Variants in ITFG1 observed in about 807,000 individuals in gnomAD.
The protein encoded by ITFG1 is integrin alpha FG-GAP repeat containing 1, also known as T-cell immunomodulatory protein.
Under a neutral mutation model 81.8 loss-of-function variants are expected in ITFG1, and 34 were observed. That is an observed-to-expected ratio of 0.42 (90% CI 0.32 to 0.55). The LOEUF (loss-of-function observed/expected upper bound fraction) is 0.55, where lower values mean the gene tolerates loss of function less well. Ranked by LOEUF, ITFG1 falls within the 20% of genes least tolerant of loss-of-function variation. The pLI is 0.17. For missense variants in ITFG1, 672 were observed against 755.4 expected (o/e 0.89, Z 1.29); for synonymous variants, 285 against 270.6 (o/e 1.05, Z -0.52).
chr16:47,433,486 G>A (rs980761196), intron 5 of ITFG1, among the ~76,000 whole-genome samples: 27 of 151,982 alleles, frequency 1.8e-4, no homozygotes, highest in Non-Finnish European at 3.2e-4. Flanking sequence ...CCTTCCTGGC[G>A]CCTAACAAAT....
At position 47,430,921 on chromosome 16, in the gene ITFG1, C is replaced by T. The variant is rs565518653; in HGVS notation, c.561-2023G>A. On this transcript the variant is annotated intron_variant, in intron 5 of 17. Coordinates refer to ENST00000320640, the MANE Select transcript of ITFG1 (RefSeq NM_030790.5). ...CAATAGCCCACAAGTGGAAATAACA[C>T]GAATTCCCATCAGTGGATAAATGGA... Among the ~76,000 whole-genome samples the T allele has an allele frequency of 4.6e-5, 7 of 152,262 alleles. No homozygotes were observed. In the South Asian group the frequency reaches 1.0e-3, roughly 23 times the overall value.
chr16:47,343,455 C>A (rs1479808042), intron 8 of ITFG1, among the ~76,000 whole-genome samples: 1 of 151,968 alleles, frequency 6.6e-6, no homozygotes, highest in East Asian at 1.9e-4. Context: ...TTTAAATATG[C>A]ACATAAAGGA....
chr16:47,376,021 C>A (rs1338528092), intron 6 of ITFG1, 81 bp from the exon 7 acceptor site: 3 of 726,314 alleles, frequency 4.1e-6, no homozygotes, highest in African/African-American at 1.8e-5. Flanking sequence ...AAATGCAATA[C>A]ATTAAAAGAA....
chr16:47,416,989 A>G (rs1352025443), intron 6 of ITFG1, among the ~76,000 whole-genome samples: 1 of 152,228 alleles, frequency 6.6e-6, no homozygotes, highest in East Asian at 1.9e-4. Context: ...TGTTATTGCT[A>G]CATAGTAGTT....
chr16:47,448,689 G>C (rs1000437344), intron 5 of ITFG1: 4 of 143,842 alleles, frequency 2.8e-5, no homozygotes, highest in African/African-American at 1.0e-4. Context: ...ACAGGTACAA[G>C]TGTTTTCACT....
At chr16:47,182,198 A>C (rs998206230) in intron 14 of ITFG1, among the ~76,000 whole-genome samples, 1 of 152,114 alleles carries the variant, frequency 6.6e-6, no homozygotes, top group Non-Finnish European at 1.5e-5. Flanking sequence ...AAAAAACAAA[A>C]AAACAGGGAA....
intron 14 of ITFG1, among the ~76,000 whole-genome samples, chr16:47,179,394 G>A (rs1965071313): frequency 6.6e-6 from 1 of 152,114 alleles, no homozygotes; most frequent in Non-Finnish European, 1.5e-5. Context: ...ATACTATGCA[G>A]CACACCAACA....
chr16:47,243,232 A>G (rs1965958053), intron 12 of ITFG1, among the ~76,000 whole-genome samples: 1 of 152,140 alleles, frequency 6.6e-6, no homozygotes, highest in Non-Finnish European at 1.5e-5. Flanking sequence ...GATTATACAT[A>G]TATATACATA....
At chr16:47,450,861 G>C (rs1969379694) in intron 5 of ITFG1, among the ~76,000 whole-genome samples, 1 of 152,126 alleles carries the variant, frequency 6.6e-6, no homozygotes, top group African/African-American at 2.4e-5. Flanking sequence ...CAAGATTCCA[G>C]GCACTTTTCC....
intron 8 of ITFG1, among the ~76,000 whole-genome samples, chr16:47,342,391 C>G (rs973405813): frequency 6.6e-6 from 1 of 152,088 alleles, no homozygotes; most frequent in African/African-American, 2.4e-5. Context: ...AAAGAACCCA[C>G]AGCTAATATA....
chr16:47,168,952 A>G (rs1964926199), intron 14 of ITFG1, among the ~76,000 whole-genome samples: 8 of 152,098 alleles, frequency 5.3e-5, no homozygotes, highest in Admixed American at 5.2e-4. Context: ...TCATTATACA[A>G]ATGTTCTAGT....
intron 12 of ITFG1, among the ~76,000 whole-genome samples, chr16:47,254,380 ATATTATTATTAT>A (rs371724043): frequency 6.6e-6 from 1 of 150,894 alleles, no homozygotes; most frequent in Non-Finnish European, 1.5e-5. Context: ...TCTCTTTAGC[ATATTATTATTAT>A]TATTATTATT....
chr16:47,384,967 C>T lies in ITFG1; in HGVS notation c.656-9027G>A, dbSNP rs576879704. Among the ~76,000 whole-genome samples, 9 of 152,278 alleles carry T rather than the reference C, an allele frequency of 5.9e-5. No individual in the cohort carries two copies. In the East Asian group the frequency reaches 1.5e-3, roughly 26 times the overall value. On this transcript the variant is annotated intron_variant, in intron 6 of 17. Coordinates refer to ENST00000320640, the MANE Select transcript of ITFG1 (RefSeq NM_030790.5). The stretch of plus-strand genomic sequence containing the variant: ...AGGCAGATGTGGAAATTGACAAATA[C>T]TATGTGGTAATGGCTCTGCTAGAAT...
intron 5 of ITFG1, among the ~76,000 whole-genome samples, chr16:47,445,329 G>A (rs942493642): frequency 1.1e-4 from 17 of 149,202 alleles, no homozygotes; most frequent in Admixed American, 2.7e-4. Context: ...ATCACCATTA[G>A]TAAGATTTAG....
intron 8 of ITFG1, among the ~76,000 whole-genome samples, chr16:47,345,673 C>T (rs1257396466): frequency 1.3e-5 from 2 of 152,146 alleles, no homozygotes; most frequent in Admixed American, 6.5e-5. Flanking sequence ...CCACATGCAG[C>T]CCACGGGCTG....
At chr16:47,287,067 G>A (rs1966872391) in intron 10 of ITFG1, among the ~76,000 whole-genome samples, 2 of 152,118 alleles carry the variant, frequency 1.3e-5, no homozygotes, top group South Asian at 4.1e-4. Flanking sequence ...AGCTGCATTT[G>A]TAAGATAAAG....
intron 10 of ITFG1, chr16:47,299,559 C>A (rs1337452591): frequency 6.6e-6 from 1 of 152,456 alleles, no homozygotes; most frequent in African/African-American, 2.4e-5. Context: ...GAGGACAGTT[C>A]TCAGGCCACT....
At chr16:47,268,474 T>C (rs546318325) in intron 10 of ITFG1, among the ~76,000 whole-genome samples, 1 of 152,282 alleles carries the variant, frequency 6.6e-6, no homozygotes, top group Admixed American at 6.5e-5. Flanking sequence ...CTTTAGAAAA[T>C]AGATGAGAAA....
chr16:47,218,559 A>G (rs2151526950), intron 14 of ITFG1: 1 of 169,910 alleles, frequency 5.9e-6, no homozygotes, highest in Non-Finnish European at 1.2e-5. Flanking sequence ...TAATTAACTA[A>G]TTTGCACTTC....
Sources: gnomAD v4.1 joint callset for allele counts (sites outside exome capture counted in the v4.1 genomes callset) on GRCh38, gnomAD v4.1.1 for gene constraint, MANE v1.5 for transcripts, NCBI Gene and HGNC (gene_info 2026-07-23, HGNC 2026-07-21) for gene names.